ANTXR1: variants seen among roughly 807,000 people sequenced by gnomAD.
ANTXR1 encodes the protein ANTXR cell adhesion molecule 1.
A neutral mutation model predicts 78.1 loss-of-function variants in ANTXR1; 19 were observed. The ratio of observed to expected loss-of-function variants is 0.24; its 90% CI spans 0.17 to 0.36. The LOEUF (loss-of-function observed/expected upper bound fraction) is 0.36, where lower values mean the gene tolerates loss of function less well. ANTXR1 is among the 10% of genes least tolerant of loss of function. The pLI, the probability that ANTXR1 is intolerant of heterozygous loss-of-function variation, is 1.00. For synonymous variants in ANTXR1, 273 were observed against 260.5 expected, an observed-to-expected ratio of 1.05 and a Z score of -0.46; for missense variants, 518 against 718.6, an observed-to-expected ratio of 0.72 and a Z score of 3.19.
At chr2:69,231,138 C>CA (rs1250764081) in intron 17 of ANTXR1, among the ~76,000 whole-genome samples, 1 of 152,228 alleles carries the variant, frequency 6.6e-6, no homozygotes, top group African/African-American at 2.4e-5. Flanking sequence ...GACATGATCT[C>CA]ATTCTTTTTT....
intron 17 of ANTXR1, among the ~76,000 whole-genome samples, chr2:69,208,757 G>T (rs1674964102): frequency 1.3e-5 from 2 of 152,204 alleles, no homozygotes; most frequent in Non-Finnish European, 2.9e-5. Flanking sequence ...TTTATTCACA[G>T]TAAGAATTTC....
chr2:69,232,018 G>A (rs113809191), intron 17 of ANTXR1, among the ~76,000 whole-genome samples: 2 of 152,266 alleles, frequency 1.3e-5, no homozygotes, highest in African/African-American at 4.8e-5. Context: ...AATTATTTGG[G>A]ATGGAAGATT....
intron 8 of ANTXR1, among the ~76,000 whole-genome samples, chr2:69,079,738 A>G (rs1670846099): frequency 6.6e-6 from 1 of 152,218 alleles, no homozygotes; most frequent in African/African-American, 2.4e-5. Flanking sequence ...ATACCCAGAG[A>G]CTGTAGGCCA....
intron 10 of ANTXR1, among the ~76,000 whole-genome samples, chr2:69,119,167 GGA>G (rs762712885): frequency 3.3e-5 from 5 of 152,212 alleles, no homozygotes; most frequent in African/African-American, 7.2e-5. Flanking sequence ...GATGGAGGAA[GGA>G]GAGAGGAGTT....
intron 1 of ANTXR1, among the ~76,000 whole-genome samples, chr2:69,032,538 C>G (rs1671559209): frequency 6.6e-6 from 1 of 152,162 alleles, no homozygotes; most frequent in African/African-American, 2.4e-5. Flanking sequence ...TTTGATCTTT[C>G]TGGGGGATGC....
chr2:69,162,525 C>A (rs1441375353), intron 13 of ANTXR1, among the ~76,000 whole-genome samples: 3 of 152,108 alleles, frequency 2.0e-5, no homozygotes, highest in Non-Finnish European at 4.4e-5. Context: ...CAGGTTCGTC[C>A]CTCAACCCAG....
Position 69,124,777 on chromosome 2 carries a change from C to T in ANTXR1, c.951+134C>T, listed in dbSNP as rs1558575007. ...TCGTTCTGCTTGCTGAGCTTTGATCCCAGCACTGCTCCACCAGCCCCAGGC... is the reference window on the plus strand; with the variant it reads ...TCGTTCTGCTTGCTGAGCTTTGATCTCAGCACTGCTCCACCAGCCCCAGGC... On this transcript the variant is annotated intron_variant, in intron 12 of 17. Transcript: ENST00000303714. The T allele has an allele frequency of 3.4e-6, 3 of 871,796 alleles. No individual in the cohort carries two copies. The East Asian group carries it at 7.8e-5, about 23-fold the overall frequency. The allele number at this position is 871,796 out of a possible 1,614,324, so 54.0% of individuals were successfully genotyped here.
chr2:69,205,845 C>G (rs1457510864), intron 17 of ANTXR1, among the ~76,000 whole-genome samples: 1 of 152,176 alleles, frequency 6.6e-6, no homozygotes, highest in Non-Finnish European at 1.5e-5. Flanking sequence ...CTTTAAAACA[C>G]TAAACTTTTA....
intron 12 of ANTXR1, among the ~76,000 whole-genome samples, chr2:69,146,630 G>A (rs1673234430): frequency 6.6e-6 from 1 of 152,234 alleles, no homozygotes; most frequent in African/African-American, 2.4e-5. Flanking sequence ...TCAGGTCCAT[G>A]CAGGTCCCCA....
At chr2:69,103,041 GAA>G (rs950133193) in intron 10 of ANTXR1, 101 bp downstream of exon 10, 5 of 1,201,284 alleles carry the variant, frequency 4.2e-6, no homozygotes, top group Non-Finnish European at 6.2e-6. Flanking sequence ...GAAACCAGCA[GAA>G]AAGAGTCTTA....
intron 12 of ANTXR1, among the ~76,000 whole-genome samples, chr2:69,128,364 C>T (rs1672616709): frequency 6.6e-6 from 1 of 152,070 alleles, no homozygotes; most frequent in Non-Finnish European, 1.5e-5. Context: ...GAAGACCTAG[C>T]AGGTAGTAAG....
rs1295055284 is a variant in ANTXR1, at chr2:69,246,738, C to G, written c.*1253C>G. Reference sequence around the variant, plus strand: ...ACTCACCCCATTTATCCAGGTCTTTCTGGATCTGTTTAATCAATAAGCCCT... The same window carrying G: ...ACTCACCCCATTTATCCAGGTCTTTGTGGATCTGTTTAATCAATAAGCCCT... On this transcript the variant is annotated 3_prime_UTR_variant, in exon 18 of 18. Coordinates refer to ENST00000303714, the MANE Select transcript of ANTXR1 (RefSeq NM_032208.3). 2 of 152,204 alleles carry G rather than the reference C, an allele frequency of 1.3e-5. No individual in the cohort carries two copies. Among genetic ancestry groups the G allele is most frequent in the African/African-American group, 4.8e-5 (2 of 41,450 alleles). The allele number at this position is 152,204 out of a possible 1,614,324, so 9.4% of individuals were successfully genotyped here.
chr2:69,023,571 G>A (rs1363992132), intron 1 of ANTXR1, among the ~76,000 whole-genome samples: 3 of 152,036 alleles, frequency 2.0e-5, no homozygotes, highest in Non-Finnish European at 4.4e-5. Context: ...TGGTGTTAGT[G>A]CAGAAACAGA....
chr2:69,107,541 A>C (rs1455910617), intron 10 of ANTXR1, among the ~76,000 whole-genome samples: 2 of 152,170 alleles, frequency 1.3e-5, no homozygotes, highest in Non-Finnish European at 2.9e-5. Context: ...CACCCAGCCA[A>C]GAAAAAGCAT....
intron 10 of ANTXR1, among the ~76,000 whole-genome samples, chr2:69,105,384 T>C (rs1030868323): frequency 3.3e-5 from 5 of 152,210 alleles, no homozygotes; most frequent in Non-Finnish European, 7.3e-5. Context: ...GATTTGATCA[T>C]ATTCTATGCT....
intron 10 of ANTXR1, among the ~76,000 whole-genome samples, chr2:69,115,757 G>C (rs953038244): frequency 2.0e-5 from 3 of 152,192 alleles, no homozygotes; most frequent in Non-Finnish European, 2.9e-5. Context: ...CCCATCCCCT[G>C]ATCTCATGGC....
intron 10 of ANTXR1, among the ~76,000 whole-genome samples, chr2:69,110,355 G>A (rs746849941): frequency 2.6e-5 from 4 of 151,940 alleles, no homozygotes; most frequent in Non-Finnish European, 5.9e-5. Flanking sequence ...GTTTATAATA[G>A]CAAAAGAAAA....
At chr2:69,086,008 C>T (rs2104266248) in intron 8 of ANTXR1, among the ~76,000 whole-genome samples, 1 of 152,290 alleles carries the variant, frequency 6.6e-6, no homozygotes, top group Non-Finnish European at 1.5e-5. Context: ...ACAAATAAGA[C>T]ACCAAGGAAC....
At chr2:69,170,192 T>C (rs1673942107) in intron 13 of ANTXR1, 56 bp from the exon 14 acceptor site, 1 of 1,593,046 alleles carries the variant, frequency 6.3e-7, no homozygotes, top group African/African-American at 1.3e-5. Context: ...AGCAAGCCTC[T>C]TAGGAGGCAG....
Sources: gnomAD v4.1 joint callset for allele counts (sites outside exome capture counted in the v4.1 genomes callset) on GRCh38, gnomAD v4.1.1 for gene constraint, MANE v1.5 for transcripts, NCBI Gene and HGNC (gene_info 2026-07-23, HGNC 2026-07-21) for gene names.